Variants in EFCAB7 observed in about 807,000 individuals in gnomAD.
EFCAB7 encodes EF-hand calcium binding domain 7, also known as EF-hand calcium-binding domain-containing protein 7.
Under a neutral mutation model 77.1 loss-of-function variants are expected in EFCAB7, and 66 were observed. The observed-to-expected ratio is 0.86, with a 90% CI of 0.70 to 1.05. The LOEUF (loss-of-function observed/expected upper bound fraction) is 1.05. Ranked by LOEUF, EFCAB7 falls within the 50% of genes least tolerant of loss-of-function variation. EFCAB7 has a pLI of 0.00. For synonymous variants in EFCAB7, 225 were observed against 243.3 expected (o/e 0.92, Z 0.70); for missense variants, 638 against 730.5 (o/e 0.87, Z 1.46).
At chr1:63,577,006 GT>G (rs1454131731), downstream of EFCAB7, among the ~76,000 whole-genome samples, 1 of 151,646 alleles carries the variant, frequency 6.6e-6, no homozygotes, top group Non-Finnish European at 1.5e-5. Flanking sequence ...AATCAGCCAG[GT>G]GTGGTGGTGT....
At chr1:63,542,621 G>A (rs373848907) in intron 6 of EFCAB7, among the ~76,000 whole-genome samples, 127 of 152,140 alleles carry the variant, frequency 8.3e-4, no homozygotes, top group South Asian at 4.6e-3. Context: ...AATACTTGTC[G>A]TTTTCTGTTT....
chr1:63,571,670 C>CAAAAAAAAA, intron 13 of EFCAB7, among the ~76,000 whole-genome samples: 1 of 65,314 alleles, frequency 1.5e-5, no homozygotes, highest in Non-Finnish European at 2.7e-5. Context: ...GACTCTGTCT[C>CAAAAAAAAA]AAAAAAAAAA....
downstream of EFCAB7, among the ~76,000 whole-genome samples, chr1:63,576,668 AT>A (rs1647427929): frequency 2.0e-5 from 3 of 147,966 alleles, no homozygotes; most frequent in African/African-American, 7.8e-5. Context: ...TAAAAATAAA[AT>A]TAAAAAAAAA....
intron 6 of EFCAB7, among the ~76,000 whole-genome samples, chr1:63,539,943 T>C (rs1477194054): frequency 6.8e-6 from 1 of 147,018 alleles, no homozygotes; most frequent in Non-Finnish European, 1.5e-5. Context: ...CAAGGTCATG[T>C]TGATTATGTT....
At chr1:63,542,033 A>G (rs568459058) in intron 6 of EFCAB7, among the ~76,000 whole-genome samples, 9 of 152,232 alleles carry the variant, frequency 5.9e-5, no homozygotes, top group African/African-American at 2.2e-4. Context: ...ACAACCATCA[A>G]TACCACCACC....
chr1:63,580,787 A>G, the EFCAB7 span, among the ~76,000 whole-genome samples: 1 of 152,102 alleles, frequency 6.6e-6, no homozygotes, highest in Non-Finnish European at 1.5e-5. Context: ...CAGCTCCTAT[A>G]TATCCTTTAT....
Position 63,551,791 on chromosome 1 carries a change from C to T in EFCAB7, c.1013C>T (p.Ala338Val). Reference sequence around the variant, plus strand: ...ATTCTCAAGGAAAATGAGAGTCAAGCAAATCTACAGCTTGTGTGTTTTACC... The same window carrying T: ...ATTCTCAAGGAAAATGAGAGTCAAGTAAATCTACAGCTTGTGTGTTTTACC... ...LYILKENESQ[A>V]NLQLVCFTEL... is the part of the protein sequence containing the mutation. The change falls in exon 8 of 14, where the codon GCA (alanine) becomes GTA (valine). Residue 338 changes from alanine to valine, a missense_variant. Transcript: ENST00000371088. The T allele has an allele frequency of 6.3e-7, 1 of 1,594,968 alleles. No homozygotes were observed. The highest frequency in any genetic ancestry group is 8.5e-7 in the Non-Finnish European group (1 of 1,170,454).
intron 1 of EFCAB7, among the ~76,000 whole-genome samples, chr1:63,524,024 T>A (rs1646531456): frequency 6.6e-6 from 1 of 152,180 alleles, no homozygotes. Context: ...AAGGGAGGTT[T>A]CCAAGCCTGC....
intron 11 of EFCAB7, among the ~76,000 whole-genome samples, 167 bp from the exon 12 acceptor site, chr1:63,568,143 G>T (rs1269646672): frequency 6.6e-6 from 1 of 152,012 alleles, no homozygotes; most frequent in Non-Finnish European, 1.5e-5. Context: ...AAAAAGTCAG[G>T]ATTTCATGCT....
intron 11 of EFCAB7, among the ~76,000 whole-genome samples, chr1:63,562,499 CT>C (rs371313667): frequency 1.8e-4 from 13 of 73,630 alleles, no homozygotes; most frequent in East Asian, 7.8e-4. Context: ...ATATATAAAA[CT>C]TTTTTTTTTT....
chr1:63,534,936 A>G (rs12239584), intron 6 of EFCAB7, among the ~76,000 whole-genome samples: 3,251 of 152,142 alleles, frequency 0.021, 121 homozygotes, highest in African/African-American at 0.074. Context: ...ATTTTAAAAC[A>G]TTATCTCCAA....
chr1:63,545,929 T>G lies in EFCAB7; in HGVS notation c.818T>G (p.Met273Arg), dbSNP rs766227990. Residue 273 changes from methionine to arginine, a missense_variant, in exon 7 of 14, where the codon ATG becomes AGG. By Grantham distance (91) the Met-to-Arg change is moderately conservative (BLOSUM62 -1). Transcript: ENST00000371088. ...EPNLIKDWQHMQSKGCFFLEE... is the reference protein window; with the variant it reads ...EPNLIKDWQHRQSKGCFFLEE... ...CCTTCATTTCAGGACTGGCAACACA[T>G]GCAATCAAAAGGTTGCTTCTTCTTA... 6.2e-7 allele frequency: 1 copy of G among 1,613,424 alleles called. No homozygotes were observed. Among genetic ancestry groups the G allele is most frequent in the African/African-American group, 1.3e-5 (1 of 75,010 alleles).
At chr1:63,540,557 C>G (rs74800830) in intron 6 of EFCAB7, among the ~76,000 whole-genome samples, 3,249 of 152,058 alleles carry the variant, frequency 0.021, 121 homozygotes, top group African/African-American at 0.074. Flanking sequence ...CCTTATAAAA[C>G]TCTGAACCCA....
intron 6 of EFCAB7, 121 bp from the exon 7 acceptor site, chr1:63,545,795 C>T (rs1020971311): frequency 1.2e-6 from 1 of 839,680 alleles, no homozygotes; most frequent in South Asian, 1.6e-5. Context: ...TTGCACATTC[C>T]TGGAGAGCAA....
At chr1:63,568,599 A>G in intron 12 of EFCAB7, 80 bp downstream of exon 12, 1 of 1,094,548 alleles carries the variant, frequency 9.1e-7, no homozygotes, top group Non-Finnish European at 1.3e-6. Context: ...CTCTATTCGT[A>G]TGTGGTAATT....
At chr1:63,568,688 G>A (rs917365304) in intron 12 of EFCAB7, 169 bp downstream of exon 12, 4 of 487,268 alleles carry the variant, frequency 8.2e-6, no homozygotes, top group Non-Finnish European at 1.4e-5. Context: ...ACTGGGAGTG[G>A]TAATTTTTAT....
chr1:63,548,236 G>A (rs1323831736), intron 7 of EFCAB7: 1 of 152,286 alleles, frequency 6.6e-6, no homozygotes, highest in Non-Finnish European at 1.5e-5. Flanking sequence ...TGAGGAGAGA[G>A]TTGTAGGAGA....
chr1:63,562,498 AC>A (rs1247904763), intron 11 of EFCAB7, among the ~76,000 whole-genome samples: 73 of 63,226 alleles, frequency 1.2e-3, no homozygotes, highest in South Asian at 2.6e-3. Context: ...TATATATAAA[AC>A]TTTTTTTTTT....
At chr1:63,546,131 C>T in intron 7 of EFCAB7, 74 bp downstream of exon 7, 1 of 1,474,712 alleles carries the variant, frequency 6.8e-7, no homozygotes, top group Non-Finnish European at 9.2e-7. Context: ...GTAAGTATTC[C>T]ATAGTCCTAG....
Sources: gnomAD v4.1 joint callset for allele counts (sites outside exome capture counted in the v4.1 genomes callset) on GRCh38, gnomAD v4.1.1 for gene constraint, MANE v1.5 for transcripts, NCBI Gene and HGNC (gene_info 2026-07-23, HGNC 2026-07-21) for gene names.